Variants in NPAS3 observed in about 807,000 individuals in gnomAD.
NPAS3 encodes neuronal PAS domain-containing protein 3.
NPAS3 carries 14 observed loss-of-function variants against 73.1 expected under a neutral mutation model. That is an observed-to-expected ratio of 0.19 (90% CI 0.13 to 0.30). The LOEUF (loss-of-function observed/expected upper bound fraction) is 0.30. Ranked by LOEUF, NPAS3 falls within the 10% of genes least tolerant of loss-of-function variation. The pLI is 1.00. For synonymous variants in NPAS3, 620 were observed against 541.5 expected (o/e 1.14, Z -2.01); for missense variants, 1,096 against 1,250.0 (o/e 0.88, Z 1.86).
At chr14:33,309,888 G>C (rs757970268) in intron 3 of NPAS3, among the ~76,000 whole-genome samples, 1 of 152,116 alleles carries the variant, frequency 6.6e-6, no homozygotes, top group Admixed American at 6.5e-5. Flanking sequence ...TATTTCCCTC[G>C]TGAGAAGTCC....
At chr14:33,462,520 T>A (rs1378410777) in intron 4 of NPAS3, among the ~76,000 whole-genome samples, 1 of 152,172 alleles carries the variant, frequency 6.6e-6, no homozygotes, top group Non-Finnish European at 1.5e-5. Flanking sequence ...GACTGTTCTG[T>A]GTCCTGGGCC....
At chr14:33,596,692 A>G (rs968435875) in intron 5 of NPAS3, among the ~76,000 whole-genome samples, 1 of 152,236 alleles carries the variant, frequency 6.6e-6, no homozygotes, top group African/African-American at 2.4e-5. Flanking sequence ...GCACTTGCTG[A>G]GAAGTGGGAG....
At chr14:32,947,842 T>C (rs1433868932) in intron 1 of NPAS3, among the ~76,000 whole-genome samples, 1 of 152,158 alleles carries the variant, frequency 6.6e-6, no homozygotes, top group Non-Finnish European at 1.5e-5. Flanking sequence ...TGTAATTTGT[T>C]AATCCTGTGA....
At chr14:33,137,628 T>C (rs187413261) in intron 2 of NPAS3, among the ~76,000 whole-genome samples, 57 of 152,304 alleles carry the variant, frequency 3.7e-4, no homozygotes, top group African/African-American at 1.3e-3. Context: ...GTGGAAATTG[T>C]AACAATGAGC....
chr14:33,617,933 A>C (rs530469941), intron 5 of NPAS3, among the ~76,000 whole-genome samples: 1 of 152,338 alleles, frequency 6.6e-6, no homozygotes, highest in East Asian at 1.9e-4. Context: ...TGACACTTGC[A>C]TCTCTCCACT....
intron 4 of NPAS3, among the ~76,000 whole-genome samples, chr14:33,420,123 A>G (rs1428378673): frequency 6.6e-6 from 1 of 151,980 alleles, no homozygotes; most frequent in Non-Finnish European, 1.5e-5. Context: ...AGGCTGCTAA[A>G]TTTTTGTCAA....
At chr14:33,801,128 C>A (rs911626862), downstream of NPAS3, 21 of 1,556,482 alleles carry the variant, frequency 1.3e-5, no homozygotes, top group Non-Finnish European at 1.8e-5. Flanking sequence ...CCGTCCTGGG[C>A]CCGGCCAGGC....
At chr14:33,155,006 GTAT>G (rs1179071456) in intron 2 of NPAS3, among the ~76,000 whole-genome samples, 5 of 152,192 alleles carry the variant, frequency 3.3e-5, no homozygotes, top group African/African-American at 4.8e-5. Context: ...CACATCACAA[GTAT>G]TATTATTAAT....
At position 33,401,460 on chromosome 14, in the gene NPAS3, T is replaced by A. The variant is rs566217383; in HGVS notation, c.468+34192T>A. Among the ~76,000 whole-genome samples, 9 of 152,206 alleles carry A rather than the reference T, an allele frequency of 5.9e-5. No homozygotes were observed. In the South Asian group the frequency reaches 1.7e-3, roughly 28 times the overall value. On this transcript the variant is annotated intron_variant, in intron 4 of 11. Transcript: ENST00000356141. The stretch of plus-strand genomic sequence containing the variant: ...TGTAATTTGGTGGGTCCTTTTCTTT[T>A]GAGAGTCTCTTAGGAAAACAATTAG...
chr14:33,419,562 T>C (rs2048292001), intron 4 of NPAS3, among the ~76,000 whole-genome samples: 1 of 151,908 alleles, frequency 6.6e-6, no homozygotes, highest in East Asian at 1.9e-4. Flanking sequence ...TTTAAAAGCA[T>C]TTTTTAAAGC....
chr14:33,774,580 A>G (rs765378619), intron 8 of NPAS3, 50 bp downstream of exon 8: 6 of 1,475,342 alleles, frequency 4.1e-6, no homozygotes. Flanking sequence ...CACATTGGTG[A>G]GGGTTGTGTT....
intron 3 of NPAS3, among the ~76,000 whole-genome samples, chr14:33,245,278 C>A (rs1312184186): frequency 6.6e-6 from 1 of 152,150 alleles, no homozygotes; most frequent in Non-Finnish European, 1.5e-5. Context: ...ATAACTACTA[C>A]TACTGAGTAT....
At chr14:33,340,420 G>T (rs955212180) in intron 3 of NPAS3, among the ~76,000 whole-genome samples, 2 of 152,176 alleles carry the variant, frequency 1.3e-5, no homozygotes, top group Non-Finnish European at 2.9e-5. Flanking sequence ...TCTTGAACCT[G>T]GGAGGCAGAG....
chr14:33,053,368 T>C (rs1205412098), intron 1 of NPAS3, among the ~76,000 whole-genome samples: 4 of 152,202 alleles, frequency 2.6e-5, no homozygotes, highest in African/African-American at 9.6e-5. Flanking sequence ...TTAAAATTAG[T>C]CATAGCTTAC....
chr14:33,588,487 G>A (rs59223062), intron 5 of NPAS3, among the ~76,000 whole-genome samples: 1 of 152,142 alleles, frequency 6.6e-6, no homozygotes, highest in Non-Finnish European at 1.5e-5. Flanking sequence ...TTCTCAACTT[G>A]TCAGATGGTT....
chr14:33,181,405 C>T (rs1033918393), intron 2 of NPAS3, among the ~76,000 whole-genome samples: 2 of 152,064 alleles, frequency 1.3e-5, no homozygotes, highest in African/African-American at 4.8e-5. Flanking sequence ...ATATGAAGAA[C>T]AGGCATAAAA....
intron 4 of NPAS3, among the ~76,000 whole-genome samples, chr14:33,459,038 G>A (rs2050141313): frequency 6.6e-6 from 1 of 152,318 alleles, no homozygotes; most frequent in Non-Finnish European, 1.5e-5. Context: ...CTAAACAAGG[G>A]GTGGATTATT....
At chr14:33,394,926 A>G (rs919579553) in intron 4 of NPAS3, among the ~76,000 whole-genome samples, 3 of 152,182 alleles carry the variant, frequency 2.0e-5, no homozygotes, top group Non-Finnish European at 2.9e-5. Context: ...ATGGGAGTGG[A>G]GGAGGAAAAC....
intron 6 of NPAS3, among the ~76,000 whole-genome samples, chr14:33,688,734 A>T (rs2060155390): frequency 6.6e-6 from 1 of 152,192 alleles, no homozygotes. Context: ...CTAGGCTTTG[A>T]TCTGAAGGCT....
Sources: allele counts gnomAD v4.1 joint callset (sites outside exome capture counted in the v4.1 genomes callset), GRCh38; gene constraint gnomAD v4.1.1; transcripts MANE v1.5; gene names NCBI Gene and HGNC (gene_info 2026-07-23, HGNC 2026-07-21).